Variants in CDH23 observed in about 807,000 individuals in gnomAD.
The protein encoded by CDH23 is cadherin-23.
CDH23 carries 189 observed loss-of-function variants against 317.1 expected under a neutral mutation model. The observed-to-expected ratio is 0.60, with a 90% CI of 0.53 to 0.67. The LOEUF (loss-of-function observed/expected upper bound fraction) is 0.67, where lower values mean the gene tolerates loss of function less well. Ranked by LOEUF, CDH23 falls within the 30% of genes least tolerant of loss-of-function variation. The probability of loss-of-function intolerance (pLI) is 0.00; values close to 1 mark genes in which losing one functional copy is unlikely to be tolerated. For synonymous variants in CDH23, 1,839 were observed against 1,876.8 expected (o/e 0.98, Z 0.52); for missense variants, 4,401 against 4,592.4 (o/e 0.96, Z 1.20).
intron 3 of CDH23, among the ~76,000 whole-genome samples, chr10:71,509,007 G>A (rs1853802891): frequency 6.6e-6 from 1 of 152,166 alleles, no homozygotes; most frequent in South Asian, 2.1e-4. Context: ...TGAGCCCCAG[G>A]AGATGATGCC....
At chr10:71,700,066 C>A (rs1865525628) in intron 22 of CDH23, among the ~76,000 whole-genome samples, 1 of 152,156 alleles carries the variant, frequency 6.6e-6, no homozygotes, top group South Asian at 2.1e-4. Context: ...GTTTCCCCAT[C>A]CAGAAAAATA....
intron 38 of CDH23, chr10:71,755,544 G>C (rs1840119229): frequency 7.5e-7 from 1 of 1,341,578 alleles, no homozygotes; most frequent in East Asian, 2.5e-5. Context: ...GCTCAGAGAG[G>C]GAAGGCCAGG....
intron 3 of CDH23, among the ~76,000 whole-genome samples, chr10:71,500,848 CCTTT>C (rs1202399133): frequency 3.8e-5 from 5 of 132,758 alleles, no homozygotes; most frequent in African/African-American, 8.4e-5. Context: ...TTCTTTTCTT[CCTTT>C]CTTTCTTTCT....
At chr10:71,721,447 T>C (rs1214896724) in intron 28 of CDH23, among the ~76,000 whole-genome samples, 2 of 152,240 alleles carry the variant, frequency 1.3e-5, no homozygotes, top group East Asian at 1.9e-4. Context: ...CTTCTGATCT[T>C]CCCCTCAACC....
intron 1 of CDH23, among the ~76,000 whole-genome samples, chr10:71,426,317 T>C (rs1448563111): frequency 6.6e-6 from 1 of 152,212 alleles, no homozygotes; most frequent in Non-Finnish European, 1.5e-5. Flanking sequence ...CAGGACTTTC[T>C]AAGGGCCATC....
chr10:71,571,540 A>C (rs1857809305), intron 8 of CDH23, among the ~76,000 whole-genome samples: 1 of 152,218 alleles, frequency 6.6e-6, no homozygotes, highest in South Asian at 2.1e-4. Flanking sequence ...TAGAGGACAA[A>C]ACATGCCTCG....
chr10:71,603,928 G>T (rs185248497), intron 9 of CDH23, among the ~76,000 whole-genome samples: 2 of 152,208 alleles, frequency 1.3e-5, no homozygotes, highest in Non-Finnish European at 2.9e-5. Flanking sequence ...CATGTGAAGC[G>T]CTTGGTCAAC....
At chr10:71,813,194 G>A in intron 68 of CDH23, 50 bp from the exon 69 acceptor site, 1 of 1,503,438 alleles carries the variant, frequency 6.7e-7, no homozygotes, top group Non-Finnish European at 9.0e-7. Context: ...GCGAGGGGCG[G>A]GGCAGGCAGG....
Position 71,807,860 on chromosome 10 carries a change from G to A in CDH23, c.8575G>A (p.Ala2859Thr), listed in dbSNP as rs772342747. 7.5e-6 allele frequency: 12 copies of A among 1,602,208 alleles called. No homozygotes were observed. Among genetic ancestry groups the A allele is most frequent in the Admixed American group, 5.2e-5 (3 of 58,232 alleles). ...TCTTCCTGCAGGGGTGGCCACCGAC[G>A]CCAAGGTGGGCTCAGAGTTGATCCA... is the stretch of plus-strand genomic sequence containing the variant. ...AEYTAGVATD[A>T]KVGSELIQVL... Residue 2859 changes from alanine to threonine, a missense_variant, in exon 60 of 70, where the codon GCC (alanine) becomes ACC (threonine). Around this residue, in one of 3 missense-constraint regions of CDH23, gnomAD observed 1,144 missense variants for 1,138.2 expected, o/e 1.01. Transcript: ENST00000224721.
intron 1 of CDH23, among the ~76,000 whole-genome samples, chr10:71,418,043 ATT>A (rs947322613): frequency 1.2e-4 from 18 of 152,006 alleles, no homozygotes; most frequent in South Asian, 2.1e-4. Flanking sequence ...ATTTATTTTT[ATT>A]TGTTTTGAAG....
At chr10:71,755,921 T>C (rs10999984) in intron 38 of CDH23, among the ~76,000 whole-genome samples, 12,964 of 152,252 alleles carry the variant, frequency 0.085, 903 homozygotes, top group East Asian at 0.35. Context: ...ATGTAATTAA[T>C]GCCACCAAAC....
At chr10:71,648,339 C>T (rs7907819) in intron 14 of CDH23, among the ~76,000 whole-genome samples, 45,189 of 152,070 alleles carry the variant, frequency 0.3, 7,222 homozygotes, top group African/African-American at 0.41. Context: ...CATCCCCCTT[C>T]GAAGGACTGG....
intron 3 of CDH23, among the ~76,000 whole-genome samples, chr10:71,464,022 G>C (rs746287896): frequency 3.3e-5 from 5 of 152,352 alleles, no homozygotes; most frequent in Admixed American, 1.3e-4. Context: ...TGTGAGGAAA[G>C]TACAATTATC....
intron 53 of CDH23, among the ~76,000 whole-genome samples, chr10:71,801,717 C>T (rs561351675): frequency 6.6e-6 from 1 of 152,128 alleles, no homozygotes; most frequent in South Asian, 2.1e-4. Context: ...CTTGAAAGGT[C>T]GGGGGTGTGA....
At chr10:71,673,298 T>A (rs2132660754) in intron 14 of CDH23, among the ~76,000 whole-genome samples, 1 of 152,296 alleles carries the variant, frequency 6.6e-6, no homozygotes, top group East Asian at 1.9e-4. Context: ...GGTCACACAG[T>A]GACCTGGAAC....
intron 6 of CDH23, among the ~76,000 whole-genome samples, chr10:71,546,972 C>A (rs968322006): frequency 3.3e-5 from 5 of 152,208 alleles, no homozygotes; most frequent in Non-Finnish European, 7.3e-5. Context: ...AGATGAGGGG[C>A]AGGTCAAGAG....
At chr10:71,460,857 A>G (rs1850944928) in intron 3 of CDH23, among the ~76,000 whole-genome samples, 1 of 152,220 alleles carries the variant, frequency 6.6e-6, no homozygotes, top group Admixed American at 6.5e-5. Flanking sequence ...TGGACAGTCC[A>G]GGAAGAGCAG....
chr10:71,713,617 TG>T, intron 28 of CDH23: 1 of 330,820 alleles, frequency 3.0e-6, no homozygotes, highest in South Asian at 3.3e-5. Context: ...CCTGAGGATT[TG>T]CGAGAGTGTG....
chr10:71,728,861 C>A (rs954940978), intron 30 of CDH23, among the ~76,000 whole-genome samples: 6 of 152,154 alleles, frequency 3.9e-5, no homozygotes, highest in Non-Finnish European at 7.4e-5. Flanking sequence ...ATGTCACCAC[C>A]CCCGGCTAAT....
Sources: allele counts gnomAD v4.1 joint callset (sites outside exome capture counted in the v4.1 genomes callset), GRCh38; gene constraint gnomAD v4.1.1; regional missense constraint gnomAD v4.1.1; transcripts MANE v1.5; gene names NCBI Gene and HGNC (gene_info 2026-07-23, HGNC 2026-07-21).